The following PTPRT variants were observed in gnomAD, a reference collection of about 807,000 sequenced individuals.
PTPRT encodes receptor-type tyrosine-protein phosphatase T.
A neutral mutation model predicts 176.8 loss-of-function variants in PTPRT; 56 were observed. The observed-to-expected ratio is 0.32, with a 90% CI of 0.26 to 0.40. The LOEUF (loss-of-function observed/expected upper bound fraction) is 0.40. PTPRT is among the 10% of genes least tolerant of loss of function. The probability of loss-of-function intolerance (pLI) is 1.00; values close to 1 mark genes in which losing one functional copy is unlikely to be tolerated. For synonymous variants in PTPRT, 783 were observed against 739.0 expected, an observed-to-expected ratio of 1.06 and a Z score of -0.96; for missense variants, 1,540 against 1,908.2, an observed-to-expected ratio of 0.81 and a Z score of 3.60.
At chr20:42,404,696 C>CA (rs938642621) in intron 9 of PTPRT, among the ~76,000 whole-genome samples, 9 of 151,860 alleles carry the variant, frequency 5.9e-5, no homozygotes, top group Non-Finnish European at 1.0e-4. Context: ...TGACAAATTA[C>CA]AAGAAAATTT....
intron 15 of PTPRT, among the ~76,000 whole-genome samples, chr20:42,226,746 G>A (rs1568688170): frequency 6.6e-6 from 1 of 152,032 alleles, no homozygotes; most frequent in East Asian, 1.9e-4. Context: ...CACTGTGGCT[G>A]GGCACTTCTG....
At chr20:43,009,238 C>T (rs1180134494) in intron 1 of PTPRT, among the ~76,000 whole-genome samples, 1 of 152,208 alleles carries the variant, frequency 6.6e-6, no homozygotes, top group African/African-American at 2.4e-5. Flanking sequence ...GACAATATTT[C>T]ATCTCTCAAT....
At chr20:42,273,384 T>G (rs2056972903) in intron 13 of PTPRT, among the ~76,000 whole-genome samples, 1 of 152,104 alleles carries the variant, frequency 6.6e-6, no homozygotes, top group African/African-American at 2.4e-5. Flanking sequence ...CCAAGCTAAT[T>G]TTGTATTTTT....
At chr20:42,326,536 G>A (rs2057884970) in intron 11 of PTPRT, among the ~76,000 whole-genome samples, 1 of 152,154 alleles carries the variant, frequency 6.6e-6, no homozygotes, top group African/African-American at 2.4e-5. Context: ...TGGAAAACAA[G>A]CTAGAAGATG....
At chr20:43,088,333 GGTGTGTGTGTGT>G (rs67837016) in intron 1 of PTPRT, among the ~76,000 whole-genome samples, 113 of 142,844 alleles carry the variant, frequency 7.9e-4, no homozygotes, top group East Asian at 4.2e-3. Context: ...TTTGCTTTGG[GGTGTGTGTGTGT>G]GTGTGTGTGT....
At chr20:42,437,407 C>T (rs1568878083) in intron 9 of PTPRT, among the ~76,000 whole-genome samples, 1 of 152,166 alleles carries the variant, frequency 6.6e-6, no homozygotes, top group Non-Finnish European at 1.5e-5. Context: ...CAATGACTAA[C>T]CAAAGGTCAA....
At chr20:43,123,535 C>CCACCTTGGGCCATGAGGTT (rs1409800362) in intron 1 of PTPRT, among the ~76,000 whole-genome samples, 3 of 152,148 alleles carry the variant, frequency 2.0e-5, no homozygotes, top group Non-Finnish European at 4.4e-5. Flanking sequence ...ACTCAAGTAG[C>CCACCTTGGGCCATGAGGTT]CACCTTGGGC....
At chr20:42,932,177 T>C (rs548980901) in intron 1 of PTPRT, among the ~76,000 whole-genome samples, 2 of 152,316 alleles carry the variant, frequency 1.3e-5, no homozygotes, top group South Asian at 2.1e-4. Context: ...CAGGGCCCCA[T>C]CCCTGAGGTG....
intron 2 of PTPRT, among the ~76,000 whole-genome samples, chr20:42,794,680 A>G (rs1365997029): frequency 1.3e-5 from 2 of 152,222 alleles, no homozygotes; most frequent in African/African-American, 4.8e-5. Flanking sequence ...TTATTCAGCT[A>G]CAAGTCCCTT....
In PTPRT at chr20:42,624,900, G is replaced by A. The variant is rs556621681; in HGVS notation, c.1153+52966C>T. Among the ~76,000 whole-genome samples the A allele has an allele frequency of 1.3e-3, 193 of 152,192 alleles. 1 individual carries two copies. The highest frequency in any genetic ancestry group is 4.6e-3 in the African/African-American group (189 of 41,516). On this transcript the variant is annotated intron_variant, in intron 7 of 30. Transcript: ENST00000373187. The stretch of plus-strand genomic sequence containing the variant: ...AGCATATACGGTGAGGAACACCTTG[G>A]CCAGAAGGGCACACATCTGTCAGCC...
At chr20:42,809,879 G>T (rs569666130) in intron 2 of PTPRT, among the ~76,000 whole-genome samples, 1 of 152,068 alleles carries the variant, frequency 6.6e-6, no homozygotes, top group Non-Finnish European at 1.5e-5. Context: ...ACAGTCACAA[G>T]TTCCAGGAAT....
chr20:42,428,424 A>T (rs905081795), intron 9 of PTPRT, among the ~76,000 whole-genome samples: 8 of 152,238 alleles, frequency 5.3e-5, no homozygotes, highest in African/African-American at 1.9e-4. Flanking sequence ...GTCCATTTTG[A>T]CATTTCTGTG....
chr20:42,888,545 AG>A (rs1227721814), intron 1 of PTPRT, among the ~76,000 whole-genome samples: 1 of 152,226 alleles, frequency 6.6e-6, no homozygotes, highest in Non-Finnish European at 1.5e-5. Flanking sequence ...GCAACATGGA[AG>A]GAAAGTGTTG....
intron 7 of PTPRT, among the ~76,000 whole-genome samples, chr20:42,491,429 GT>G (rs2071560006): frequency 6.6e-6 from 1 of 152,196 alleles, no homozygotes; most frequent in Non-Finnish European, 1.5e-5. Flanking sequence ...AATTTTCCAT[GT>G]ACTATCTTCA....
At position 42,852,234 on chromosome 20, in the gene PTPRT, T is replaced by C. The variant is rs139397293; in HGVS notation, c.214+33573A>G. On this transcript the variant is annotated intron_variant, in intron 2 of 30. Transcript: ENST00000373187. ...AATATGTAATCACTTTGGGGGAGAA[T>C]TGACATATTTATATGAATACACGTT... Among the ~76,000 whole-genome samples, 18 of 152,266 alleles carry C rather than the reference T, an allele frequency of 1.2e-4. 1 individual carries two copies. In the East Asian group the frequency reaches 3.3e-3, roughly 28 times the overall value.
intron 17 of PTPRT, among the ~76,000 whole-genome samples, chr20:42,146,528 A>G (rs995678383): frequency 7.9e-5 from 12 of 152,288 alleles, no homozygotes; most frequent in Middle Eastern, 3.4e-3. Context: ...CTCAAGACCA[A>G]TGAAGTCAGA....
chr20:42,567,396 G>A (rs1431291809), intron 7 of PTPRT, among the ~76,000 whole-genome samples: 2 of 152,122 alleles, frequency 1.3e-5, no homozygotes, highest in Non-Finnish European at 2.9e-5. Context: ...CCTAACAAAT[G>A]CACTTCTCTT....
chr20:42,944,938 T>A (rs1211827388), intron 1 of PTPRT, among the ~76,000 whole-genome samples: 1 of 152,068 alleles, frequency 6.6e-6, no homozygotes, highest in Non-Finnish European at 1.5e-5. Flanking sequence ...AAGAGCTCAA[T>A]AAACTCACTG....
intron 27 of PTPRT, among the ~76,000 whole-genome samples, chr20:42,095,411 T>A (rs8123286): frequency 0.023 from 3,458 of 152,274 alleles, 131 homozygotes; most frequent in African/African-American, 0.078. Flanking sequence ...CTCTGTGCTG[T>A]TCCTCAAGGG....
Sources: allele counts gnomAD v4.1 joint callset (sites outside exome capture counted in the v4.1 genomes callset), GRCh38; gene constraint gnomAD v4.1.1; transcripts MANE v1.5; gene names NCBI Gene and HGNC (gene_info 2026-07-23, HGNC 2026-07-21).